Variants in CADM2 observed in about 807,000 individuals in gnomAD.
CADM2 encodes the protein cell adhesion molecule 2, also known as immunoglobulin superfamily member 4D.
Under a neutral mutation model 49.8 loss-of-function variants are expected in CADM2, and 12 were observed. The observed-to-expected ratio is 0.24, with a 90% CI of 0.15 to 0.39. The LOEUF (loss-of-function observed/expected upper bound fraction) is 0.39, where lower values mean the gene tolerates loss of function less well. Among genes scored for constraint, CADM2 ranks in the 10% least tolerant of loss-of-function variants. CADM2 has a pLI of 1.00. For missense variants in CADM2, 378 were observed against 492.3 expected (o/e 0.77, Z 2.20); for synonymous variants, 214 against 175.4 (o/e 1.22, Z -1.74).
intron 1 of CADM2, among the ~76,000 whole-genome samples, chr3:85,105,991 G>A (rs1442263411): frequency 6.6e-6 from 1 of 152,046 alleles, no homozygotes; most frequent in Non-Finnish European, 1.5e-5. Flanking sequence ...TATACCTAAT[G>A]CTAAATGACG....
In CADM2 at chr3:85,726,403, A is replaced by T. The variant is rs1577172955; in HGVS notation, c.62-119A>T. 3 of 1,076,180 alleles carry T rather than the reference A, an allele frequency of 2.8e-6. No individual in the cohort carries two copies. In the East Asian group the frequency reaches 7.2e-5, roughly 26 times the overall value. 66.7% of individuals were successfully genotyped at this position (1,076,180 alleles called of 1,614,324 possible). A position where few individuals can be genotyped will look rare whatever the true frequency, so the allele number is the denominator to read the frequency against. On this transcript the variant is annotated intron_variant, in intron 1 of 9. Transcript: ENST00000383699. ...TTTGTTTCTTAGGCTGTTGATCATGAAATCACAAATGTACTCTTTAGACTT... is the reference window on the plus strand; with the variant it reads ...TTTGTTTCTTAGGCTGTTGATCATGTAATCACAAATGTACTCTTTAGACTT...
intron 1 of CADM2, among the ~76,000 whole-genome samples, chr3:85,481,216 A>G (rs1172216244): frequency 8.8e-6 from 1 of 113,778 alleles, no homozygotes; most frequent in Non-Finnish European, 1.9e-5. Flanking sequence ...ATATACACAA[A>G]TTATATATAT....
At chr3:85,230,151 A>G (rs759478269) in intron 1 of CADM2, among the ~76,000 whole-genome samples, 19 of 152,288 alleles carry the variant, frequency 1.2e-4, no homozygotes, top group Admixed American at 8.5e-4. Flanking sequence ...TTAAAAACCT[A>G]CAGGATTTAT....
At chr3:85,702,907 GACTTC>G (rs2066826260) in intron 1 of CADM2, among the ~76,000 whole-genome samples, 1 of 152,030 alleles carries the variant, frequency 6.6e-6, no homozygotes, top group South Asian at 2.1e-4. Flanking sequence ...AAATGTTTAT[GACTTC>G]ACTTCTTTCT....
chr3:85,812,924 C>A (rs1034810894), intron 3 of CADM2, among the ~76,000 whole-genome samples: 20 of 152,042 alleles, frequency 1.3e-4, no homozygotes, highest in Non-Finnish European at 4.4e-5. Context: ...GTATATGTAC[C>A]ACATTTTCTT....
chr3:85,883,250 C>T, intron 3 of CADM2, 41 bp from the exon 4 acceptor site: 1 of 1,553,254 alleles, frequency 6.4e-7, no homozygotes, highest in South Asian at 1.2e-5. Flanking sequence ...CTGACTGTTT[C>T]TGATGTCCTT....
chr3:85,773,971 T>C (rs1157137294), intron 2 of CADM2, among the ~76,000 whole-genome samples: 1 of 152,120 alleles, frequency 6.6e-6, no homozygotes, highest in African/African-American at 2.4e-5. Context: ...AAGCATAATC[T>C]TGTTTTTGGA....
intron 1 of CADM2, among the ~76,000 whole-genome samples, chr3:85,547,928 A>G (rs576704510): frequency 1.3e-5 from 2 of 152,224 alleles, no homozygotes; most frequent in African/African-American, 4.8e-5. Flanking sequence ...CATGCCATTC[A>G]GTGTTAGAAC....
At chr3:85,118,960 G>A (rs2038746502) in intron 1 of CADM2, among the ~76,000 whole-genome samples, 1 of 152,020 alleles carries the variant, frequency 6.6e-6, no homozygotes, top group South Asian at 2.1e-4. Context: ...TGTTGGTCAG[G>A]CTGGTCTCGA....
chr3:85,152,820 C>T (rs934597463), intron 1 of CADM2, among the ~76,000 whole-genome samples: 2 of 151,722 alleles, frequency 1.3e-5, no homozygotes, highest in Admixed American at 6.6e-5. Context: ...AAAATATTTG[C>T]CGGGCGTGGT....
chr3:86,013,784 T>A, intron 8 of CADM2: 1 of 1,589,654 alleles, frequency 6.3e-7, no homozygotes, highest in Non-Finnish European at 8.6e-7. Flanking sequence ...CTATGATAAC[T>A]GAGAAGTGGG....
chr3:85,855,621 C>CATATATATATATATAT (rs142144366), intron 3 of CADM2, among the ~76,000 whole-genome samples: 4 of 54,010 alleles, frequency 7.4e-5, no homozygotes, highest in African/African-American at 1.4e-4. Context: ...ATATATAAAA[C>CATATATATATATATAT]ATATATATAT....
At chr3:85,547,841 G>A (rs115203043) in intron 1 of CADM2, among the ~76,000 whole-genome samples, 265 of 152,172 alleles carry the variant, frequency 1.7e-3, no homozygotes, top group African/African-American at 5.9e-3. Flanking sequence ...TTAGCATGGA[G>A]AGCACAAGTC....
rs1403051165 is a variant in CADM2, at chr3:85,679,478, GTA to G, written c.62-47042_62-47041del. On this transcript the variant is annotated intron_variant, in intron 1 of 9. Transcript: ENST00000383699. Reference sequence around the variant, plus strand: ...CCATGAGGAGAACATGACAAATACAGTATTTATTTTCTATCCCATAGAGCACT... The same window carrying G: ...CCATGAGGAGAACATGACAAATACAGTTTATTTTCTATCCCATAGAGCACT... Among the ~76,000 whole-genome samples the G allele has an allele frequency of 1.1e-4, 16 of 152,232 alleles. No individual in the cohort carries two copies. In the East Asian group the frequency reaches 2.3e-3, roughly 22 times the overall value.
intron 1 of CADM2, among the ~76,000 whole-genome samples, chr3:85,321,752 GGAAAA>G (rs1449981931): frequency 6.6e-6 from 1 of 151,962 alleles, no homozygotes; most frequent in African/African-American, 2.4e-5. Context: ...ATAATTAAGA[GGAAAA>G]GAAGCCTAAG....
chr3:85,371,677 G>GTGTGCATATA (rs1251505613), intron 1 of CADM2, among the ~76,000 whole-genome samples: 1 of 95,154 alleles, frequency 1.1e-5, no homozygotes, highest in African/African-American at 4.4e-5. Context: ...GTGTGTGTGT[G>GTGTGCATATA]TATATATATA....
At chr3:85,769,202 CAT>C (rs1206817275) in intron 2 of CADM2, among the ~76,000 whole-genome samples, 3 of 113,900 alleles carry the variant, frequency 2.6e-5, no homozygotes, top group African/African-American at 3.8e-5. Context: ...TATATATACA[CAT>C]ATATACATAT....
At chr3:85,709,852 A>C (rs993063019) in intron 1 of CADM2, among the ~76,000 whole-genome samples, 1 of 152,088 alleles carries the variant, frequency 6.6e-6, no homozygotes, top group African/African-American at 2.4e-5. Context: ...CTCTTTGAAA[A>C]GGGGGTTTTA....
At chr3:85,908,443 T>C (rs544962293) in intron 5 of CADM2, among the ~76,000 whole-genome samples, 2 of 151,798 alleles carry the variant, frequency 1.3e-5, no homozygotes, top group East Asian at 3.9e-4. Flanking sequence ...TAAAGATAAA[T>C]AATATAAAAA....
Sources: allele counts gnomAD v4.1 joint callset (sites outside exome capture counted in the v4.1 genomes callset), GRCh38; gene constraint gnomAD v4.1.1; transcripts MANE v1.5; gene names NCBI Gene and HGNC (gene_info 2026-07-23, HGNC 2026-07-21).